Variants in CRYBG1 observed in about 807,000 individuals in gnomAD.
The protein encoded by CRYBG1 is crystallin beta-gamma domain containing 1.
A neutral mutation model predicts 189.2 loss-of-function variants in CRYBG1; 139 were observed. The ratio of observed to expected loss-of-function variants is 0.73; its 90% confidence interval spans 0.64 to 0.85. The LOEUF (loss-of-function observed/expected upper bound fraction) is 0.85. Among genes scored for constraint, CRYBG1 ranks in the 40% least tolerant of loss-of-function variants. The pLI is 0.00. For synonymous variants in CRYBG1, 1,023 were observed against 1,017.1 expected, an observed-to-expected ratio of 1.01 and a Z score of -0.11; for missense variants, 2,611 against 2,675.8, an observed-to-expected ratio of 0.98 and a Z score of 0.53.
intron 1 of CRYBG1, among the ~76,000 whole-genome samples, chr6:106,415,491 G>A (rs367665821): frequency 2.0e-5 from 3 of 151,982 alleles, no homozygotes; most frequent in South Asian, 2.1e-4. Flanking sequence ...TTGAGAGGCC[G>A]AGGCAGGCAG....
intron 3 of CRYBG1, among the ~76,000 whole-genome samples, chr6:106,515,257 G>A (rs1300311183): frequency 6.6e-6 from 1 of 152,136 alleles, no homozygotes; most frequent in Non-Finnish European, 1.5e-5. Flanking sequence ...GTCTCATAAT[G>A]AAGGCATTAC....
intron 2 of CRYBG1, among the ~76,000 whole-genome samples, chr6:106,485,811 G>A (rs1772582236): frequency 6.6e-6 from 1 of 152,180 alleles, no homozygotes; most frequent in South Asian, 2.1e-4. Context: ...GCATCCCTGG[G>A]ATGAATCCAC....
At chr6:106,391,871 G>T (rs562889330) in intron 1 of CRYBG1, among the ~76,000 whole-genome samples, 4 of 151,920 alleles carry the variant, frequency 2.6e-5, no homozygotes, top group Non-Finnish European at 5.9e-5. Context: ...CATTAGAGGT[G>T]CTCCCACTGG....
At chr6:106,484,756 C>T (rs757382084) in intron 2 of CRYBG1, among the ~76,000 whole-genome samples, 1 of 151,922 alleles carries the variant, frequency 6.6e-6, no homozygotes, top group Non-Finnish European at 1.5e-5. Context: ...GAAGCCAAGA[C>T]GGGAGGATCA....
rs534228623 is a variant in CRYBG1, at chr6:106,439,854, C to T, written c.174-11840C>T. 9.2e-5 allele frequency among the ~76,000 whole-genome samples: 14 copies of T among 152,220 alleles called. No homozygotes were observed. In the East Asian group the frequency reaches 1.3e-3, roughly 15 times the overall value. ...AAATTGAGAAACTGATATATGTTCCCGGAAAACCTAGATGAACACTTACTA... is the reference window on the plus strand; with the variant it reads ...AAATTGAGAAACTGATATATGTTCCTGGAAAACCTAGATGAACACTTACTA... On this transcript the variant is annotated intron_variant, in intron 1 of 21. Transcript: ENST00000633556.
rs1562099034 is a variant in CRYBG1 at position 106,517,361 on chromosome 6, CACATATAT to C, written c.1923-1766_1923-1759del. Among the ~76,000 whole-genome samples, 29 of 70,712 alleles carry C rather than the reference CACATATAT, an allele frequency of 4.1e-4. 1 individual carries two copies. Among genetic ancestry groups the C allele is most frequent in the African/African-American group, 9.8e-4 (18 of 18,336 alleles). The allele number at this position is 70,712 out of a possible 152,430, so 46.4% of individuals were successfully genotyped here. A position where few individuals can be genotyped will look rare whatever the true frequency, so the allele number is the denominator to read the frequency against. On this transcript the variant is annotated intron_variant, in intron 3 of 21. Transcript: ENST00000633556. ...ATATATACACACACATATATATATACACATATATACACACACACATATACACACATATA... is the reference window on the plus strand; with the variant it reads ...ATATATACACACACATATATATATACACACACACACATATACACACATATA...
At chr6:106,377,028 G>A (rs541862838) in intron 1 of CRYBG1, among the ~76,000 whole-genome samples, 1 of 152,238 alleles carries the variant, frequency 6.6e-6, no homozygotes, top group African/African-American at 2.4e-5. Context: ...ACATTGTATT[G>A]AACACCTGTG....
intron 2 of CRYBG1, among the ~76,000 whole-genome samples, chr6:106,483,776 G>T (rs1391343717): frequency 6.6e-6 from 1 of 152,044 alleles, no homozygotes; most frequent in Admixed American, 6.5e-5. Flanking sequence ...TAGCAATGTT[G>T]AACATTTTTT....
chr6:106,519,011 C>CACTCCAA, intron 3 of CRYBG1, 120 bp from the exon 4 acceptor site: 2 of 897,148 alleles, frequency 2.2e-6, no homozygotes, highest in African/African-American at 2.0e-5. Flanking sequence ...ACACACACCA[C>CACTCCAA]ACTCCAAATG....
chr6:106,384,507 G>A (rs1770347866), intron 1 of CRYBG1, among the ~76,000 whole-genome samples: 1 of 152,092 alleles, frequency 6.6e-6, no homozygotes. Context: ...TCATCTGGGG[G>A]TGATGGGAGA....
At chr6:106,444,338 G>T (rs1392156899) in intron 1 of CRYBG1, among the ~76,000 whole-genome samples, 1 of 152,172 alleles carries the variant, frequency 6.6e-6, no homozygotes, top group Non-Finnish European at 1.5e-5. Context: ...AAAATGCCAT[G>T]ACCTTCAGCT....
intron 8 of CRYBG1, among the ~76,000 whole-genome samples, chr6:106,536,059 CAGG>C (rs1269002749): frequency 0.019 from 17 of 876 alleles, 7 homozygotes; most frequent in South Asian, 0.17. Flanking sequence ...GCTGGGATTA[CAGG>C]CGTGAGCCAC....
chr6:106,430,246 C>T (rs531049970), intron 1 of CRYBG1, among the ~76,000 whole-genome samples: 20 of 152,164 alleles, frequency 1.3e-4, no homozygotes, highest in South Asian at 6.2e-4. Flanking sequence ...GCCTAGGCAA[C>T]GTAGCGAAAC....
intron 1 of CRYBG1, among the ~76,000 whole-genome samples, chr6:106,379,843 A>C (rs186484200): frequency 6.6e-6 from 1 of 151,894 alleles, no homozygotes; most frequent in Non-Finnish European, 1.5e-5. Context: ...GCCTCCCAAC[A>C]TGCTGGGATT....
At chr6:106,495,819 T>TAA (rs3040745) in intron 2 of CRYBG1, among the ~76,000 whole-genome samples, 20,615 of 128,210 alleles carry the variant, frequency 0.16, 2,044 homozygotes, top group East Asian at 0.37. Flanking sequence ...TTTCCTTGAG[T>TAA]AAAAAAAAAA....
chr6:106,543,666 C>T (rs1301822184), intron 11 of CRYBG1, 69 bp downstream of exon 11: 3 of 1,500,126 alleles, frequency 2.0e-6, no homozygotes, highest in South Asian at 1.2e-5. Flanking sequence ...TGTGCCCTTT[C>T]CCCCCTAAAA....
chr6:106,406,210 C>T (rs1770819122), intron 1 of CRYBG1, among the ~76,000 whole-genome samples: 1 of 151,996 alleles, frequency 6.6e-6, no homozygotes, highest in Non-Finnish European at 1.5e-5. Flanking sequence ...GAAAAACACA[C>T]GCGAGAACTT....
At chr6:106,435,436 A>T (rs114791254) in intron 1 of CRYBG1, among the ~76,000 whole-genome samples, 1 of 152,104 alleles carries the variant, frequency 6.6e-6, no homozygotes, top group African/African-American at 2.4e-5. Flanking sequence ...AAGTTCTAGA[A>T]TTACACACAT....
chr6:106,506,446 CTTTTTTTTTTTTTTTT>C (rs67154803), intron 2 of CRYBG1, among the ~76,000 whole-genome samples: 1 of 69,920 alleles, frequency 1.4e-5, no homozygotes, highest in Non-Finnish European at 2.6e-5. Flanking sequence ...TTTCTTGTCA[CTTTTTTTTTTTTTTTT>C]TTTTTTTTTG....
Sources: allele counts gnomAD v4.1 joint callset (sites outside exome capture counted in the v4.1 genomes callset), GRCh38; gene constraint gnomAD v4.1.1; transcripts MANE v1.5; gene names NCBI Gene and HGNC (gene_info 2026-07-23, HGNC 2026-07-21).